Variants in CA10 observed in about 807,000 individuals in gnomAD.
CA10 encodes carbonic anhydrase 10 (inactive), also known as carbonic anhydrase-related protein 10.
A neutral mutation model predicts 44.2 loss-of-function variants in CA10; 14 were observed. That is an observed-to-expected ratio of 0.32 (90% CI 0.21 to 0.50). The LOEUF (loss-of-function observed/expected upper bound fraction) is 0.50. CA10 is among the 20% of genes least tolerant of loss of function. The probability of loss-of-function intolerance (pLI) is 0.99; values close to 1 mark genes in which losing one functional copy is unlikely to be tolerated. For missense variants in CA10, 350 were observed against 409.7 expected (o/e 0.85, Z 1.26); for synonymous variants, 159 against 141.6 (o/e 1.12, Z -0.87).
At chr17:51,775,467 T>A (rs1433976668) in intron 3 of CA10, among the ~76,000 whole-genome samples, 1 of 152,048 alleles carries the variant, frequency 6.6e-6, no homozygotes, top group Admixed American at 6.5e-5. Flanking sequence ...GGGGGGTGGG[T>A]AGGGAATGTT....
At chr17:52,064,985 C>T (rs1264208297) in intron 2 of CA10, among the ~76,000 whole-genome samples, 3 of 152,178 alleles carry the variant, frequency 2.0e-5, no homozygotes, top group African/African-American at 7.2e-5. Flanking sequence ...CCAGGATCTC[C>T]ATCCAAATAC....
intron 4 of CA10, among the ~76,000 whole-genome samples, chr17:51,710,585 G>A (rs998990221): frequency 6.6e-6 from 1 of 152,168 alleles, no homozygotes. Context: ...GGAGGTGGGA[G>A]TTTGGGGGTA....
intron 2 of CA10, among the ~76,000 whole-genome samples, chr17:52,046,451 A>T (rs1443638873): frequency 2.0e-5 from 3 of 151,904 alleles, no homozygotes; most frequent in Non-Finnish European, 4.4e-5. Context: ...TGTTATGCTA[A>T]TAAATTTTAC....
chr17:51,743,539 C>T (rs1451443887), intron 4 of CA10, among the ~76,000 whole-genome samples: 1 of 152,182 alleles, frequency 6.6e-6, no homozygotes, highest in East Asian at 1.9e-4. Context: ...AATGCAGTTG[C>T]TGACTATGTC....
intron 1 of CA10, among the ~76,000 whole-genome samples, chr17:52,141,753 T>C (rs1989484948): frequency 6.6e-6 from 1 of 152,140 alleles, no homozygotes; most frequent in Non-Finnish European, 1.5e-5. Flanking sequence ...TAGAAGGGAC[T>C]TGGTGGTTTA....
intron 3 of CA10, among the ~76,000 whole-genome samples, chr17:51,913,398 C>G (rs895389516): frequency 1.3e-5 from 2 of 152,072 alleles, no homozygotes; most frequent in Admixed American, 6.6e-5. Flanking sequence ...CTGAGTCTCA[C>G]CTGGTGCAGT....
chr17:51,802,140 T>C (rs1906955819), intron 3 of CA10, among the ~76,000 whole-genome samples: 1 of 152,228 alleles, frequency 6.6e-6, no homozygotes, highest in Non-Finnish European at 1.5e-5. Flanking sequence ...CTATTACTGA[T>C]CATGCCTATC....
intron 3 of CA10, among the ~76,000 whole-genome samples, chr17:51,897,423 T>C (rs548752801): frequency 1.3e-5 from 2 of 152,314 alleles, no homozygotes; most frequent in South Asian, 4.1e-4. Context: ...CATTGTTCTG[T>C]GTGCCTGTTT....
At chr17:51,955,071 A>T (rs1444649094) in intron 2 of CA10, among the ~76,000 whole-genome samples, 1 of 152,124 alleles carries the variant, frequency 6.6e-6, no homozygotes, top group Non-Finnish European at 1.5e-5. Flanking sequence ...TCTTGGGTGG[A>T]GTATTTGATG....
At chr17:51,651,577 G>T (rs779255097) in intron 5 of CA10, among the ~76,000 whole-genome samples, 1 of 152,212 alleles carries the variant, frequency 6.6e-6, no homozygotes, top group South Asian at 2.1e-4. Flanking sequence ...TCAACAGCCT[G>T]TGGGCAAGCA....
At chr17:51,645,291 C>G (rs1180782545) in intron 6 of CA10, among the ~76,000 whole-genome samples, 1 of 152,202 alleles carries the variant, frequency 6.6e-6, no homozygotes, top group Non-Finnish European at 1.5e-5. Context: ...TGATGTCACT[C>G]TGCTTAAATT....
Position 52,113,773 on chromosome 17 carries a change from G to A in CA10, c.62-41380C>T, listed in dbSNP as rs115644368. 4.3e-3 allele frequency among the ~76,000 whole-genome samples: 649 copies of A among 152,318 alleles called. 5 individuals are homozygous for A. Among genetic ancestry groups the A allele is most frequent in the African/African-American group, 0.015 (617 of 41,568 alleles). On this transcript the variant is annotated intron_variant, in intron 1 of 8. Transcript: ENST00000451037. ...AAATATGTATTTACATTTCAAGTGAGTAATTTGAGGTGTTTTCATTTAAAA... is the reference window on the plus strand; with the variant it reads ...AAATATGTATTTACATTTCAAGTGAATAATTTGAGGTGTTTTCATTTAAAA...
intron 4 of CA10, among the ~76,000 whole-genome samples, chr17:51,738,311 T>C (rs2040515556): frequency 6.6e-6 from 1 of 152,144 alleles, no homozygotes; most frequent in Admixed American, 6.6e-5. Flanking sequence ...AGCACATCCA[T>C]GGAGCAGCTA....
At chr17:51,707,494 A>C (rs1243095365) in intron 4 of CA10, among the ~76,000 whole-genome samples, 1 of 152,216 alleles carries the variant, frequency 6.6e-6, no homozygotes, top group Non-Finnish European at 1.5e-5. Flanking sequence ...CGGTTCCCTG[A>C]AGCTGAAACA....
chr17:51,894,069 T>C (rs914888334), intron 3 of CA10, among the ~76,000 whole-genome samples: 2 of 152,238 alleles, frequency 1.3e-5, no homozygotes, highest in East Asian at 3.9e-4. Flanking sequence ...GGAGCTTGTG[T>C]TTGGCAGATC....
At chr17:51,909,302 G>A (rs888896045) in intron 3 of CA10, among the ~76,000 whole-genome samples, 2 of 152,166 alleles carry the variant, frequency 1.3e-5, no homozygotes, top group Non-Finnish European at 2.9e-5. Context: ...GGGGAGCTCA[G>A]AGTTCTTTGG....
At chr17:51,678,159 A>G (rs1336628054) in intron 4 of CA10, among the ~76,000 whole-genome samples, 3 of 152,210 alleles carry the variant, frequency 2.0e-5, no homozygotes, top group African/African-American at 7.2e-5. Context: ...GTATAATAAT[A>G]TGTAAAATCT....
At chr17:51,794,802 T>A (rs967583063) in intron 3 of CA10, among the ~76,000 whole-genome samples, 2 of 152,180 alleles carry the variant, frequency 1.3e-5, no homozygotes, top group Non-Finnish European at 2.9e-5. Flanking sequence ...AATGTAGTAA[T>A]TGCAGTTTAA....
intron 2 of CA10, among the ~76,000 whole-genome samples, chr17:51,959,282 C>CTCTCTGTGTGTGTG (rs748461115): frequency 1.3e-4 from 18 of 134,454 alleles, no homozygotes; most frequent in South Asian, 2.6e-4. Flanking sequence ...CTCTCTCTCT[C>CTCTCTGTGTGTGTG]TGTGTGTGTG....
Sources: allele counts gnomAD v4.1 joint callset (sites outside exome capture counted in the v4.1 genomes callset), GRCh38; gene constraint gnomAD v4.1.1; transcripts MANE v1.5; gene names NCBI Gene and HGNC (gene_info 2026-07-23, HGNC 2026-07-21).